Variants in PLXNA4 observed in about 807,000 individuals in gnomAD.
PLXNA4 encodes the protein plexin A4.
A neutral mutation model predicts 191.8 loss-of-function variants in PLXNA4; 44 were observed. That is an observed-to-expected ratio of 0.23 (90% confidence interval 0.18 to 0.29). The LOEUF is 0.29. Among genes scored for constraint, PLXNA4 ranks in the 10% least tolerant of loss-of-function variants. The pLI, the probability that PLXNA4 is intolerant of heterozygous loss-of-function variation, is 1.00. For missense variants in PLXNA4, 1,800 were observed against 2,488.8 expected (o/e 0.72, Z 5.89); for synonymous variants, 1,082 against 1,009.5 (o/e 1.07, Z -1.36).
intron 3 of PLXNA4, among the ~76,000 whole-genome samples, chr7:132,453,034 C>A (rs1274400085): frequency 6.6e-6 from 1 of 152,090 alleles, no homozygotes; most frequent in African/African-American, 2.4e-5. Context: ...AGTTAGGGAG[C>A]CACGCACCAC....
intron 2 of PLXNA4, among the ~76,000 whole-genome samples, chr7:132,601,392 C>T (rs909643989): frequency 6.6e-6 from 1 of 152,166 alleles, no homozygotes; most frequent in Non-Finnish European, 1.5e-5. Context: ...TAGCTAGGCA[C>T]ACAACCATCT....
intron 3 of PLXNA4, among the ~76,000 whole-genome samples, chr7:132,355,158 G>A (rs1457356440): frequency 2.0e-5 from 3 of 152,136 alleles, no homozygotes; most frequent in African/African-American, 7.2e-5. Flanking sequence ...TAATGCACTG[G>A]TAAGGAAGGC....
At chr7:132,293,337 C>T (rs534775127) in intron 4 of PLXNA4, among the ~76,000 whole-genome samples, 2 of 152,106 alleles carry the variant, frequency 1.3e-5, no homozygotes, top group Non-Finnish European at 2.9e-5. Context: ...GCTGGGGAGG[C>T]CTCACAATCA....
At chr7:132,148,682 A>G (rs772926202) in intron 25 of PLXNA4, 36 bp from the exon 26 acceptor site, 4 of 1,613,542 alleles carry the variant, frequency 2.5e-6, no homozygotes, top group East Asian at 2.2e-5. Flanking sequence ...GAGAGGCCCT[A>G]TGACCCCTCT....
chr7:132,240,561 C>T (rs542490516), intron 5 of PLXNA4, among the ~76,000 whole-genome samples: 2 of 152,302 alleles, frequency 1.3e-5, no homozygotes, highest in East Asian at 1.9e-4. Flanking sequence ...ACTTCAACTG[C>T]AGACCCAAAC....
chr7:132,318,661 CTTT>C (rs56179808), intron 3 of PLXNA4, among the ~76,000 whole-genome samples: 1 of 109,914 alleles, frequency 9.1e-6, no homozygotes, highest in Non-Finnish European at 1.8e-5. Context: ...ACGCACTTTG[CTTT>C]TTTTTTTTTT....
intron 3 of PLXNA4, among the ~76,000 whole-genome samples, chr7:132,392,484 T>A (rs780699371): frequency 4.6e-5 from 7 of 152,208 alleles, no homozygotes; most frequent in Admixed American, 2.0e-4. Flanking sequence ...CTCCCTGAGT[T>A]TCCCAGGTCT....
chr7:132,175,742 T>C (rs1164544331), intron 20 of PLXNA4, among the ~76,000 whole-genome samples: 3 of 152,156 alleles, frequency 2.0e-5, no homozygotes, highest in Non-Finnish European at 2.9e-5. Flanking sequence ...GCCACAGGGG[T>C]ACTCAGGGGT....
chr7:132,344,945 C>T (rs1351877513), intron 3 of PLXNA4, among the ~76,000 whole-genome samples: 1 of 152,136 alleles, frequency 6.6e-6, no homozygotes, highest in Non-Finnish European at 1.5e-5. Context: ...ACTAGCAGTG[C>T]CCTTGAGAGC....
chr7:132,524,670 G>A (rs1326091937), intron 1 of PLXNA4, among the ~76,000 whole-genome samples: 1 of 152,022 alleles, frequency 6.6e-6, no homozygotes, highest in Non-Finnish European at 1.5e-5. Flanking sequence ...CTGCCTCCCG[G>A]GTTCATGCCA....
At chr7:132,513,660 TTTTTG>T (rs141114304) in intron 1 of PLXNA4, among the ~76,000 whole-genome samples, 7 of 150,676 alleles carry the variant, frequency 4.6e-5, no homozygotes, top group South Asian at 2.1e-4. Flanking sequence ...TTTGTTTTAG[TTTTTG>T]TTTTGTTTTG....
chr7:132,419,273 A>C (rs1440526138), intron 3 of PLXNA4, among the ~76,000 whole-genome samples: 1 of 152,198 alleles, frequency 6.6e-6, no homozygotes, highest in Non-Finnish European at 1.5e-5. Flanking sequence ...AGAAAAATGC[A>C]GCAGAGAATC....
intron 12 of PLXNA4, among the ~76,000 whole-genome samples, chr7:132,199,908 T>G (rs1797377984): frequency 6.6e-6 from 1 of 152,144 alleles, no homozygotes; most frequent in Admixed American, 6.5e-5. Context: ...CATAAGTATA[T>G]TCCCATTGCA....
At chr7:132,234,374 C>T (rs1798625397) in intron 5 of PLXNA4, among the ~76,000 whole-genome samples, 1 of 152,090 alleles carries the variant, frequency 6.6e-6, no homozygotes, top group South Asian at 2.1e-4. Flanking sequence ...CCTATGTGGC[C>T]CAGTGCAGCA....
At chr7:132,602,246 T>G (rs1377117961) in intron 2 of PLXNA4, among the ~76,000 whole-genome samples, 1 of 152,204 alleles carries the variant, frequency 6.6e-6, no homozygotes, top group African/African-American at 2.4e-5. Context: ...CCACCCTTTG[T>G]GGCTAATGAG....
chr7:132,231,683 C>T (rs2116997352), intron 5 of PLXNA4, among the ~76,000 whole-genome samples: 1 of 152,314 alleles, frequency 6.6e-6, no homozygotes, highest in South Asian at 2.1e-4. Context: ...TCTCGGCCTC[C>T]TAGAGTGCTG....
At chr7:132,280,294 A>G (rs1027209088) in intron 4 of PLXNA4, among the ~76,000 whole-genome samples, 2 of 152,216 alleles carry the variant, frequency 1.3e-5, no homozygotes, top group Admixed American at 6.5e-5. Flanking sequence ...AAAATAAGGA[A>G]GAAGGTGGGA....
chr7:132,552,857 T>C (rs1800621653), intron 1 of PLXNA4, among the ~76,000 whole-genome samples: 1 of 151,974 alleles, frequency 6.6e-6, no homozygotes, highest in Non-Finnish European at 1.5e-5. Flanking sequence ...CTAGTTGAAG[T>C]AGAAGTTGTG....
At chr7:132,231,744 C>T (rs1014300343) in intron 5 of PLXNA4, among the ~76,000 whole-genome samples, 14 of 152,176 alleles carry the variant, frequency 9.2e-5, no homozygotes, top group African/African-American at 3.1e-4. Context: ...ACATCTTCTC[C>T]ATGACTGGCC....
Sources: gnomAD v4.1 joint callset for allele counts (sites outside exome capture counted in the v4.1 genomes callset) on GRCh38, gnomAD v4.1.1 for gene constraint, MANE v1.5 for transcripts, NCBI Gene and HGNC (gene_info 2026-07-23, HGNC 2026-07-21) for gene names.